Variants in KAZN observed in about 807,000 individuals in gnomAD.
The protein encoded by KAZN is kazrin.
A neutral mutation model predicts 87.4 loss-of-function variants in KAZN; 40 were observed. The observed-to-expected ratio is 0.46, with a 90% CI of 0.36 to 0.60. The LOEUF (loss-of-function observed/expected upper bound fraction) is 0.60. Among genes scored for constraint, KAZN ranks in the 20% least tolerant of loss-of-function variants. KAZN has a pLI of 0.00. For synonymous variants in KAZN, 466 were observed against 458.3 expected, an observed-to-expected ratio of 1.02 and a Z score of -0.22; for missense variants, 898 against 1,073.9, an observed-to-expected ratio of 0.84 and a Z score of 2.29.
chr1:13,980,066 T>C (rs1638588655), intron 1 of KAZN, among the ~76,000 whole-genome samples: 1 of 152,168 alleles, frequency 6.6e-6, no homozygotes, highest in Non-Finnish European at 1.5e-5. Flanking sequence ...GAAGTGTCAA[T>C]GTCCTAATTT....
intron 1 of KAZN, among the ~76,000 whole-genome samples, chr1:13,922,795 C>T (rs74794276): frequency 0.027 from 4,172 of 152,312 alleles, 188 homozygotes; most frequent in African/African-American, 0.095. Flanking sequence ...CAGAATTCCC[C>T]AGTGCAGCTC....
In KAZN at chr1:14,108,594, T is replaced by C. The variant is rs191415886; in HGVS notation, c.92-71841T>C. On this transcript the variant is annotated intron_variant, in intron 1 of 16. Transcript: ENST00000636203. ...ACAAATTGGCTCTGTTTCTAAATGA[T>C]GGTCATTCCACTTTCCAAAATACCC... Among the ~76,000 whole-genome samples, 212 of 152,304 alleles carry C rather than the reference T, an allele frequency of 1.4e-3. 1 individual carries two copies. The Middle Eastern group carries it at 0.02, about 15-fold the overall frequency.
At chr1:14,108,871 C>T (rs10928010) in intron 1 of KAZN, among the ~76,000 whole-genome samples, 43,976 of 152,058 alleles carry the variant, frequency 0.29, 6,796 homozygotes, top group East Asian at 0.55. Flanking sequence ...CACACAGCTA[C>T]GCCTGTGCCA....
At chr1:15,102,324 T>C (rs1191497247) in intron 11 of KAZN, among the ~76,000 whole-genome samples, 2 of 151,930 alleles carry the variant, frequency 1.3e-5, no homozygotes, top group African/African-American at 4.8e-5. Context: ...AACGACTAAA[T>C]TGAGACCCGA....
At chr1:14,474,859 A>T (rs1432265262) in intron 2 of KAZN, among the ~76,000 whole-genome samples, 1 of 152,186 alleles carries the variant, frequency 6.6e-6, no homozygotes, top group Non-Finnish European at 1.5e-5. Context: ...GGCATCACCA[A>T]CAAAAATTGA....
chr1:14,660,234 C>T (rs1639067910), intron 1 of KAZN, among the ~76,000 whole-genome samples: 1 of 152,150 alleles, frequency 6.6e-6, no homozygotes. Flanking sequence ...GGGCAATGGA[C>T]CCCTGCTCTT....
chr1:14,768,677 G>C (rs1019105886), intron 1 of KAZN, among the ~76,000 whole-genome samples: 2 of 152,200 alleles, frequency 1.3e-5, no homozygotes, highest in African/African-American at 4.8e-5. Flanking sequence ...TTACTGAACT[G>C]TCAATAATCC....
chr1:14,381,556 A>G (rs1459047615), intron 2 of KAZN, among the ~76,000 whole-genome samples: 1 of 152,244 alleles, frequency 6.6e-6, no homozygotes, highest in African/African-American at 2.4e-5. Flanking sequence ...CATCATATCA[A>G]TGGACTAAAG....
chr1:14,306,900 T>TTC (rs1654969334), intron 2 of KAZN, among the ~76,000 whole-genome samples: 1 of 152,192 alleles, frequency 6.6e-6, no homozygotes, highest in Non-Finnish European at 1.5e-5. Context: ...ATTTGGCTCC[T>TTC]ATCAGAGGCT....
intron 2 of KAZN, among the ~76,000 whole-genome samples, 188 bp from the exon 3 acceptor site, chr1:15,034,561 G>A (rs1026379377): frequency 6.6e-6 from 1 of 152,212 alleles, no homozygotes; most frequent in Non-Finnish European, 1.5e-5. Flanking sequence ...CTCGACATAG[G>A]TGAGCCTGGC....
At chr1:15,046,528 G>T (rs551775108) in intron 4 of KAZN, among the ~76,000 whole-genome samples, 16 of 152,246 alleles carry the variant, frequency 1.1e-4, no homozygotes, top group African/African-American at 3.6e-4. Context: ...GTTCAAGAGT[G>T]GACTGTGCTT....
At position 14,599,187 on chromosome 1, in the gene KAZN, G is replaced by A; in HGVS notation, c.190G>A (p.Ala64Thr). The change falls in exon 1 of 15, where the codon GCG becomes ACG. Residue 64 changes from alanine to threonine, a missense_variant. Around this residue, in one of 3 missense-constraint regions of KAZN, gnomAD observed 250 missense variants for 263.0 expected, o/e 0.95. Coordinates refer to ENST00000376030, the MANE Select transcript of KAZN (RefSeq NM_201628.3). This position sits in a 1 kb window ranked among gnomAD's most constrained non-coding sequence, Gnocchi z 4.4. The stretch of plus-strand genomic sequence containing the variant: ...CGCCTCGGCGGCGGGGGACTCGGCG[G>A]CGACGAACATGGAGAACCCCCAGCT... ...ASASAAGDSAATNMENPQLGA... is the reference protein window; with the variant it reads ...ASASAAGDSATTNMENPQLGA... 7.2e-7 allele frequency: 1 copy of A among 1,392,130 alleles called. No homozygotes were observed. The highest frequency in any genetic ancestry group is 9.3e-7 in the Non-Finnish European group (1 of 1,074,972). The allele number at this position is 1,392,130 out of a possible 1,614,324, so 86.2% of individuals were successfully genotyped here. A position where few individuals can be genotyped will look rare whatever the true frequency, so the allele number is the denominator to read the frequency against.
intron 2 of KAZN, among the ~76,000 whole-genome samples, chr1:14,546,447 T>A (rs1197122868): frequency 6.6e-6 from 1 of 151,958 alleles, no homozygotes; most frequent in East Asian, 1.9e-4. Context: ...TTTTTTTCCA[T>A]CCTTTATGGG....
chr1:14,446,368 G>A lies in KAZN; in HGVS notation c.250-152615G>A, dbSNP rs567098715. On this transcript the variant is annotated intron_variant, in intron 2 of 16. Transcript: ENST00000636203. ...GGGCCCAGTACATAGCAATGCAGAC[G>A]GACTTTCTGTTGCCAAAGACTACAG... Among the ~76,000 whole-genome samples, 19 of 152,204 alleles carry A rather than the reference G, an allele frequency of 1.2e-4. No homozygotes were observed. In the East Asian group the frequency reaches 1.3e-3, roughly 11 times the overall value.
intron 2 of KAZN, among the ~76,000 whole-genome samples, chr1:14,514,265 CAGTA>C (rs1178912184): frequency 1.5e-5 from 2 of 130,176 alleles, no homozygotes; most frequent in Non-Finnish European, 3.2e-5. Context: ...GCGGAGCTTG[CAGTA>C]AGCTGAGATC....
intron 2 of KAZN, among the ~76,000 whole-genome samples, chr1:14,962,601 G>C (rs556660822): frequency 6.6e-5 from 10 of 152,184 alleles, no homozygotes; most frequent in African/African-American, 2.4e-4. Context: ...AAGTGCTGCT[G>C]GGCTCAGGCT....
chr1:14,990,415 G>C (rs1311837625), intron 2 of KAZN, among the ~76,000 whole-genome samples: 1 of 152,076 alleles, frequency 6.6e-6, no homozygotes, highest in Non-Finnish European at 1.5e-5. Context: ...ATGGAGATGG[G>C]GTTTTTCCAT....
intron 1 of KAZN, among the ~76,000 whole-genome samples, chr1:14,843,691 A>T (rs975822355): frequency 2.6e-5 from 4 of 152,190 alleles, no homozygotes; most frequent in African/African-American, 9.6e-5. Flanking sequence ...AAGATATTTT[A>T]AATGGAATAT....
intron 1 of KAZN, among the ~76,000 whole-genome samples, chr1:14,622,838 A>C (rs1467873378): frequency 6.6e-6 from 1 of 152,166 alleles, no homozygotes; most frequent in African/African-American, 2.4e-5. Context: ...GAATCCAATA[A>C]GTCTGGTTCA....
Sources: allele counts gnomAD v4.1 joint callset (sites outside exome capture counted in the v4.1 genomes callset), GRCh38; gene constraint gnomAD v4.1.1; regional missense constraint gnomAD v4.1.1; non-coding constraint Gnocchi (gnomAD v3.1); transcripts MANE v1.5; gene names NCBI Gene and HGNC (gene_info 2026-07-23, HGNC 2026-07-21).